KIT: variants seen among roughly 807,000 people sequenced by gnomAD.
The protein encoded by KIT is mast/stem cell growth factor receptor Kit.
KIT carries 16 observed loss-of-function variants against 105.7 expected under a neutral mutation model. The observed-to-expected ratio is 0.15, with a 90% CI of 0.10 to 0.23. The LOEUF is 0.23. KIT is among the 10% of genes least tolerant of loss of function. The pLI is 1.00. For synonymous variants in KIT, 438 were observed against 441.1 expected (o/e 0.99, Z 0.09); for missense variants, 858 against 1,213.8 (o/e 0.71, Z 4.36).
In KIT at chr4:54,739,223, T is replaced by C; in HGVS notation, c.*666T>C. On this transcript the variant is annotated 3_prime_UTR_variant, in exon 21 of 21. Coordinates refer to ENST00000288135, the MANE Select transcript of KIT (RefSeq NM_000222.3). ...GAGAGAAGGCCTCCCTAGCCAGCAC[T>C]TGTATATACGCATCTATAAATTGTC... is the stretch of plus-strand genomic sequence containing the variant. 1 of 269,256 alleles carries C rather than the reference T, an allele frequency of 3.7e-6. No homozygotes were observed. Among genetic ancestry groups the C allele is most frequent in the Non-Finnish European group, 7.0e-6 (1 of 142,360 alleles). 16.7% of individuals were successfully genotyped at this position (269,256 alleles called of 1,614,324 possible).
At chr4:54,678,332 CCTTCCTTCCTTCCTTCCT>C (rs1560381226) in intron 1 of KIT, among the ~76,000 whole-genome samples, 9 of 102,608 alleles carry the variant, frequency 8.8e-5, no homozygotes, top group African/African-American at 4.0e-4. Flanking sequence ...TTCCTTCCTT[CCTTCCTTCCTTCCTTCCT>C]TCCCTCCCTC....
chr4:54,726,943 G>C (rs1722258445), intron 9 of KIT, among the ~76,000 whole-genome samples: 1 of 152,132 alleles, frequency 6.6e-6, no homozygotes, highest in Admixed American at 6.5e-5. Flanking sequence ...AGTGCATTCA[G>C]ATGTTGCTTT....
At chr4:54,676,330 A>G (rs1718467019) in intron 1 of KIT, among the ~76,000 whole-genome samples, 1 of 152,186 alleles carries the variant, frequency 6.6e-6, no homozygotes, top group East Asian at 1.9e-4. Context: ...TGCAGGCGAA[A>G]GTTTGAGAAC....
At chr4:54,711,668 TCCCAGCAC>T (rs1171190072) in intron 7 of KIT, among the ~76,000 whole-genome samples, 2 of 63,172 alleles carry the variant, frequency 3.2e-5, no homozygotes, top group Non-Finnish European at 5.3e-5. Flanking sequence ...ACGCCTGTAA[TCCCAGCAC>T]TTTGGGAGGC....
chr4:54,693,715 TG>T lies in KIT; in HGVS notation c.68-1796del, dbSNP rs1478522649. Reference sequence around the variant, plus strand: ...ATGGTGGCAGGGGACATAAATCTGATGTGCATGAACCATTCCCTTCACCATT... The same window carrying T: ...ATGGTGGCAGGGGACATAAATCTGATTGCATGAACCATTCCCTTCACCATT... On this transcript the variant is annotated intron_variant, in intron 1 of 20. Coordinates refer to ENST00000288135, the MANE Select transcript of KIT (RefSeq NM_000222.3). 9.9e-5 allele frequency among the ~76,000 whole-genome samples: 15 copies of T among 152,254 alleles called. No homozygotes were observed. The South Asian group carries it at 3.1e-3, about 32-fold the overall frequency.
intron 1 of KIT, among the ~76,000 whole-genome samples, chr4:54,679,203 A>T (rs1718726676): frequency 6.6e-6 from 1 of 152,170 alleles, no homozygotes; most frequent in South Asian, 2.1e-4. Flanking sequence ...CACTTAAAAA[A>T]CAGATCCTCC....
intron 1 of KIT, among the ~76,000 whole-genome samples, chr4:54,672,542 C>T (rs1718184626): frequency 6.6e-6 from 1 of 152,128 alleles, no homozygotes; most frequent in Non-Finnish European, 1.5e-5. Flanking sequence ...TTGTTCTTTG[C>T]TCTCTCTTTA....
rs771574892 is a variant in KIT at position 54,709,525 on chromosome 4, A to G, written c.1217A>G (p.Asn406Ser). 1 of 1,597,376 alleles carries G rather than the reference A, an allele frequency of 6.3e-7. No homozygotes were observed. The highest frequency in any genetic ancestry group is 8.6e-7 in the Non-Finnish European group (1 of 1,164,746). ...GACGTCAATGCTGCCATAGCATTTA[A>G]TGTTTATGTGAATAGTAAGTAACAT... ...NSDVNAAIAFNVYVNTKPEIL... is the reference protein window; with the variant it reads ...NSDVNAAIAFSVYVNTKPEIL... The change falls in exon 7 of 21, where the codon AAT becomes AGT. Residue 406 changes from asparagine to serine, a missense_variant. Physicochemically the swap from Asn to Ser is conservative, Grantham distance 46. Around this residue, in one of 7 missense-constraint regions of KIT, gnomAD observed 401 missense variants for 601.0 expected, o/e 0.67. Coordinates refer to ENST00000288135, the MANE Select transcript of KIT (RefSeq NM_000222.3).
At chr4:54,714,720 T>C (rs1721358507) in intron 7 of KIT, among the ~76,000 whole-genome samples, 1 of 152,192 alleles carries the variant, frequency 6.6e-6, no homozygotes, top group African/African-American at 2.4e-5. Context: ...GTATTATGCA[T>C]TTAAAATATG....
intron 7 of KIT, among the ~76,000 whole-genome samples, chr4:54,713,562 G>A (rs1436045019): frequency 6.6e-6 from 1 of 152,158 alleles, no homozygotes; most frequent in Non-Finnish European, 1.5e-5. Flanking sequence ...TGAATGCATA[G>A]TGTTTGTTAG....
At chr4:54,718,181 A>C (rs1181084500) in intron 7 of KIT, among the ~76,000 whole-genome samples, 3 of 151,952 alleles carry the variant, frequency 2.0e-5, no homozygotes, top group Non-Finnish European at 4.4e-5. Context: ...GCTCACTGCA[A>C]CCTCCACTTC....
intron 7 of KIT, among the ~76,000 whole-genome samples, chr4:54,715,114 A>C (rs1181990908): frequency 6.6e-6 from 1 of 152,212 alleles, no homozygotes; most frequent in East Asian, 1.9e-4. Flanking sequence ...TTTATAGGTC[A>C]TACAGTATAC....
At position 54,738,602 on chromosome 4, in the gene KIT, T is replaced by C. The variant is rs777154782; in HGVS notation, c.*45T>C. ...CACCCCTCCAGGAATGATCTCTTCT[T>C]TTGGCTTCCATGATGGTTATTTTCT... is the stretch of plus-strand genomic sequence containing the variant. On this transcript the variant is annotated 3_prime_UTR_variant, in exon 21 of 21. Coordinates refer to ENST00000288135, the MANE Select transcript of KIT (RefSeq NM_000222.3). The C allele has an allele frequency of 3.1e-6, 5 of 1,610,446 alleles. No individual in the cohort carries two copies. The South Asian group carries it at 5.5e-5, about 18-fold the overall frequency.
chr4:54,663,728 G>A (rs1332750483), intron 1 of KIT, among the ~76,000 whole-genome samples: 2 of 152,144 alleles, frequency 1.3e-5, no homozygotes, highest in African/African-American at 4.8e-5. Context: ...GTCCATGAAA[G>A]CAGTCAAGGA....
At chr4:54,697,451 G>A (rs1033101038) in intron 2 of KIT, among the ~76,000 whole-genome samples, 127 of 152,266 alleles carry the variant, frequency 8.3e-4, no homozygotes, top group African/African-American at 3.0e-3. Context: ...AGCATATTGT[G>A]TATACGAAAT....
chr4:54,659,284 C>A (rs1390884965), intron 1 of KIT, among the ~76,000 whole-genome samples: 1 of 152,112 alleles, frequency 6.6e-6, no homozygotes, highest in Non-Finnish European at 1.5e-5. Flanking sequence ...TTGCTGGAGC[C>A]CCTTGGTCAG....
At chr4:54,736,404 T>A in intron 17 of KIT, 94 bp from the exon 18 acceptor site, 1 of 987,644 alleles carries the variant, frequency 1.0e-6, no homozygotes, top group Non-Finnish European at 1.6e-6. Flanking sequence ...TCACTCCACA[T>A]TTCAGCAACA....
intron 14 of KIT, among the ~76,000 whole-genome samples, chr4:54,729,974 A>G (rs1392913959): frequency 6.6e-6 from 1 of 152,180 alleles, no homozygotes; most frequent in African/African-American, 2.4e-5. Flanking sequence ...TTATTCCTGT[A>G]TACCTTGCCT....
Position 54,687,235 on chromosome 4 carries a change from C to A in KIT, c.68-8277C>A, listed in dbSNP as rs918392265. Among the ~76,000 whole-genome samples, 4 of 151,976 alleles carry A rather than the reference C, an allele frequency of 2.6e-5. No individual in the cohort carries two copies. In the East Asian group the frequency reaches 7.7e-4, roughly 29 times the overall value. On this transcript the variant is annotated intron_variant, in intron 1 of 20. Coordinates refer to ENST00000288135, the MANE Select transcript of KIT (RefSeq NM_000222.3). Reference sequence around the variant, plus strand: ...GGTGGATTACCTGAGGTCAAAAGTTCGAGACCAGACTGGCCAACATAGTGA... The same window carrying A: ...GGTGGATTACCTGAGGTCAAAAGTTAGAGACCAGACTGGCCAACATAGTGA...
Sources: allele counts gnomAD v4.1 joint callset (sites outside exome capture counted in the v4.1 genomes callset), GRCh38; gene constraint gnomAD v4.1.1; regional missense constraint gnomAD v4.1.1; transcripts MANE v1.5; gene names NCBI Gene and HGNC (gene_info 2026-07-23, HGNC 2026-07-21).